Variants in CREB5 observed in about 807,000 individuals in gnomAD.
The protein encoded by CREB5 is cAMP responsive element binding protein 5, also known as cyclic AMP-responsive element-binding protein 5.
A neutral mutation model predicts 57.1 loss-of-function variants in CREB5; 19 were observed. The observed-to-expected ratio is 0.33, with a 90% CI of 0.23 to 0.49. The LOEUF (loss-of-function observed/expected upper bound fraction) is 0.49. Ranked by LOEUF, CREB5 falls within the 20% of genes least tolerant of loss-of-function variation. The pLI, the probability that CREB5 is intolerant of heterozygous loss-of-function variation, is 0.99. For missense variants in CREB5, 579 were observed against 671.6 expected, an observed-to-expected ratio of 0.86 and a Z score of 1.52; for synonymous variants, 238 against 238.3, an observed-to-expected ratio of 1.00 and a Z score of 0.01.
intron 5 of CREB5, among the ~76,000 whole-genome samples, chr7:28,707,520 T>C (rs1022369978): frequency 7.2e-5 from 11 of 152,212 alleles, no homozygotes; most frequent in African/African-American, 2.7e-4. Context: ...TGGTTAAGGA[T>C]GGGAGTCAGC....
At chr7:28,539,927 A>T (rs1449726099) in intron 4 of CREB5, among the ~76,000 whole-genome samples, 1 of 152,220 alleles carries the variant, frequency 6.6e-6, no homozygotes, top group Non-Finnish European at 1.5e-5. Flanking sequence ...AAGTGAAATC[A>T]ACATTCTTTC....
chr7:28,315,069 T>C (rs1583665301), intron 1 of CREB5, among the ~76,000 whole-genome samples: 1 of 152,214 alleles, frequency 6.6e-6, no homozygotes, highest in Non-Finnish European at 1.5e-5. Flanking sequence ...GTATCTTATC[T>C]TATCCTTGGT....
intron 5 of CREB5, among the ~76,000 whole-genome samples, chr7:28,652,467 T>A (rs1391759756): frequency 1.3e-5 from 2 of 152,248 alleles, no homozygotes; most frequent in East Asian, 3.8e-4. Context: ...AATATGATTA[T>A]GTGGTCTATT....
chr7:28,792,266 C>CAG (rs1213929804), intron 7 of CREB5, among the ~76,000 whole-genome samples: 8 of 151,556 alleles, frequency 5.3e-5, no homozygotes, highest in Non-Finnish European at 1.0e-4. Context: ...ATCACACCAC[C>CAG]GCATTCCAGC....
intron 1 of CREB5, among the ~76,000 whole-genome samples, chr7:28,357,334 T>C (rs1485577562): frequency 6.6e-6 from 1 of 152,230 alleles, no homozygotes; most frequent in African/African-American, 2.4e-5. Context: ...AAAGGGTTTC[T>C]GAGTTTCCTT....
chr7:28,784,235 A>G (rs1807172936), intron 7 of CREB5, among the ~76,000 whole-genome samples: 1 of 152,232 alleles, frequency 6.6e-6, no homozygotes, highest in Non-Finnish European at 1.5e-5. Context: ...ACTTGCCTGC[A>G]GGGCCTGCGA....
intron 4 of CREB5, among the ~76,000 whole-genome samples, chr7:28,518,981 G>A (rs1389898185): frequency 6.6e-6 from 1 of 152,188 alleles, no homozygotes; most frequent in African/African-American, 2.4e-5. Flanking sequence ...CTGAAGAATT[G>A]ACATTAAAAC....
chr7:28,435,231 A>C (rs1788904909), intron 1 of CREB5, among the ~76,000 whole-genome samples: 1 of 152,044 alleles, frequency 6.6e-6, no homozygotes, highest in South Asian at 2.1e-4. Flanking sequence ...GGCTGTTCTG[A>C]AGCTCAAATG....
chr7:28,580,681 G>A (rs759060062), intron 5 of CREB5, among the ~76,000 whole-genome samples: 1 of 151,466 alleles, frequency 6.6e-6, no homozygotes, highest in Non-Finnish European at 1.5e-5. Context: ...CTTATATTGG[G>A]GCCACTGCAT....
At chr7:28,608,113 TCACACACACTCACA>T (rs1396545312) in intron 5 of CREB5, among the ~76,000 whole-genome samples, 62 of 143,158 alleles carry the variant, frequency 4.3e-4, no homozygotes, top group South Asian at 3.2e-3. Context: ...TCTCTCTCTC[TCACACACACTCACA>T]CACACACACA....
At chr7:28,470,633 G>A (rs1220909288) in intron 1 of CREB5, among the ~76,000 whole-genome samples, 1 of 152,084 alleles carries the variant, frequency 6.6e-6, no homozygotes, top group Non-Finnish European at 1.5e-5. Flanking sequence ...CTATTTTTTA[G>A]CTTTTTGAGA....
chr7:28,479,112 T>C (rs191907993), intron 1 of CREB5, among the ~76,000 whole-genome samples: 59 of 152,308 alleles, frequency 3.9e-4, no homozygotes, highest in African/African-American at 1.3e-3. Flanking sequence ...TTTGTTTTCA[T>C]TGTCTCACTC....
chr7:28,547,768 G>A (rs73079834), intron 4 of CREB5, among the ~76,000 whole-genome samples: 5 of 152,184 alleles, frequency 3.3e-5, no homozygotes, highest in South Asian at 2.1e-4. Flanking sequence ...GACATCTCTC[G>A]CATTGTCATC....
chr7:28,719,554 T>C (rs1802897394), intron 6 of CREB5, among the ~76,000 whole-genome samples: 1 of 152,104 alleles, frequency 6.6e-6, no homozygotes, highest in African/African-American at 2.4e-5. Flanking sequence ...CACTATATGA[T>C]ATGCACACAC....
chr7:28,675,207 C>T (rs1013436921), intron 5 of CREB5, among the ~76,000 whole-genome samples: 2 of 152,234 alleles, frequency 1.3e-5, no homozygotes, highest in Admixed American at 6.5e-5. Flanking sequence ...GCCATTATCA[C>T]GATCTAAAGT....
intron 4 of CREB5, among the ~76,000 whole-genome samples, chr7:28,553,093 G>A (rs191020905): frequency 2.8e-4 from 43 of 152,250 alleles, no homozygotes; most frequent in African/African-American, 9.4e-4. Flanking sequence ...AAAACACTAA[G>A]GTCATAACAT....
intron 5 of CREB5, among the ~76,000 whole-genome samples, chr7:28,622,604 C>A (rs1378467518): frequency 6.6e-6 from 1 of 152,170 alleles, no homozygotes; most frequent in African/African-American, 2.4e-5. Context: ...CTTACATCAA[C>A]CTCTTGAGGT....
chr7:28,560,985 C>CGT (rs1364771142), intron 4 of CREB5, among the ~76,000 whole-genome samples: 1 of 27,368 alleles, frequency 3.7e-5, no homozygotes, highest in Non-Finnish European at 8.1e-5. Context: ...TGTGTGCGTG[C>CGT]GTGTGTGTGC....
intron 5 of CREB5, among the ~76,000 whole-genome samples, chr7:28,603,837 T>C (rs1173541558): frequency 6.6e-6 from 1 of 152,172 alleles, no homozygotes; most frequent in Non-Finnish European, 1.5e-5. Context: ...AGTCTTTAGG[T>C]AACATAAAAG....
Sources: allele counts gnomAD v4.1 joint callset (sites outside exome capture counted in the v4.1 genomes callset), GRCh38; gene constraint gnomAD v4.1.1; transcripts MANE v1.5; gene names NCBI Gene and HGNC (gene_info 2026-07-23, HGNC 2026-07-21).